The following KPNA1 variants were observed in gnomAD, a reference collection of about 807,000 sequenced individuals.
KPNA1 encodes the protein karyopherin subunit alpha 1.
A neutral mutation model predicts 70.5 loss-of-function variants in KPNA1; 10 were observed. The ratio of observed to expected loss-of-function variants is 0.14; its 90% CI spans 0.09 to 0.24. The LOEUF (loss-of-function observed/expected upper bound fraction) is 0.24. Ranked by LOEUF, KPNA1 falls within the 10% of genes least tolerant of loss-of-function variation. The probability of loss-of-function intolerance (pLI) is 1.00; values close to 1 mark genes in which losing one functional copy is unlikely to be tolerated. For synonymous variants in KPNA1, 192 were observed against 221.9 expected (o/e 0.87, Z 1.20); for missense variants, 397 against 637.9 (o/e 0.62, Z 4.07).
Position 122,426,341 on chromosome 3 carries a change from G to GA in KPNA1, c.*643dup, listed in dbSNP as rs2107711733. On this transcript the variant is annotated 3_prime_UTR_variant, in exon 14 of 14. Coordinates refer to ENST00000344337, the MANE Select transcript of KPNA1 (RefSeq NM_002264.4). ...AATTCTTCAGCATTCCTGACAACTAGAAAGCACATTCACTGAAGGCTGAAG... is the reference window on the plus strand; with the variant it reads ...AATTCTTCAGCATTCCTGACAACTAGAAAAGCACATTCACTGAAGGCTGAAG... 2 of 152,716 alleles carry GA rather than the reference G, an allele frequency of 1.3e-5. No homozygotes were observed. The highest frequency in any genetic ancestry group is 3.9e-4 in the East Asian group (2 of 5,180). The allele number at this position is 152,716 out of a possible 1,614,324, so 9.5% of individuals were successfully genotyped here.
chr3:122,508,241 T>C (rs1318806169), intron 1 of KPNA1, among the ~76,000 whole-genome samples: 1 of 152,084 alleles, frequency 6.6e-6, no homozygotes, highest in Non-Finnish European at 1.5e-5. Flanking sequence ...ACAAATTATA[T>C]GTCACTAGCA....
chr3:122,487,130 G>A (rs1189219014), intron 2 of KPNA1, among the ~76,000 whole-genome samples: 2 of 152,178 alleles, frequency 1.3e-5, no homozygotes, highest in African/African-American at 4.8e-5. Flanking sequence ...GTAAAAAGCT[G>A]TCGGGCCTCT....
chr3:122,485,708 T>C (rs2076621484), intron 2 of KPNA1, among the ~76,000 whole-genome samples: 1 of 152,144 alleles, frequency 6.6e-6, no homozygotes, highest in East Asian at 1.9e-4. Flanking sequence ...AGATGCTCAC[T>C]GGTGATCTAT....
At chr3:122,479,793 A>C (rs1046356409) in intron 2 of KPNA1, among the ~76,000 whole-genome samples, 1 of 152,074 alleles carries the variant, frequency 6.6e-6, no homozygotes. Context: ...CTTCCATAGG[A>C]TCAGCAACAA....
At chr3:122,432,026 A>C (rs1433233411) in intron 12 of KPNA1, among the ~76,000 whole-genome samples, 1 of 152,064 alleles carries the variant, frequency 6.6e-6, no homozygotes, top group East Asian at 1.9e-4. Context: ...CTGGTCTCGA[A>C]CTCCTGACCT....
intron 11 of KPNA1, among the ~76,000 whole-genome samples, chr3:122,435,790 T>C (rs1049313693): frequency 6.6e-6 from 1 of 152,234 alleles, no homozygotes; most frequent in African/African-American, 2.4e-5. Context: ...TATCTTTACT[T>C]TAATCTCTTA....
chr3:122,431,563 TTTG>T, intron 12 of KPNA1, among the ~76,000 whole-genome samples: 1 of 152,260 alleles, frequency 6.6e-6, no homozygotes. Flanking sequence ...ATAAAGTCAG[TTTG>T]TTTTTTGTAA....
chr3:122,436,431 G>A (rs1005228236), intron 11 of KPNA1, among the ~76,000 whole-genome samples: 5 of 152,204 alleles, frequency 3.3e-5, no homozygotes, highest in Admixed American at 3.3e-4. Flanking sequence ...ATAAAAACCT[G>A]CTGGTTTTGC....
chr3:122,480,970 T>C (rs986980002), intron 2 of KPNA1, among the ~76,000 whole-genome samples: 11 of 152,082 alleles, frequency 7.2e-5, no homozygotes, highest in South Asian at 2.1e-4. Context: ...GCCTAGGCAA[T>C]AGAGGGAGAC....
intron 10 of KPNA1, among the ~76,000 whole-genome samples, chr3:122,439,095 G>C (rs1021715580): frequency 6.6e-6 from 1 of 152,176 alleles, no homozygotes; most frequent in African/African-American, 2.4e-5. Flanking sequence ...GATTTCATTA[G>C]CAAAAAGAGG....
intron 1 of KPNA1, among the ~76,000 whole-genome samples, chr3:122,505,930 GATTA>G (rs1559767272): frequency 6.6e-6 from 1 of 152,138 alleles, no homozygotes; most frequent in East Asian, 1.9e-4. Context: ...ACAGCCCTCA[GATTA>G]ATCTCAACAC....
intron 9 of KPNA1, among the ~76,000 whole-genome samples, chr3:122,447,732 T>A (rs937833471): frequency 6.6e-6 from 1 of 152,210 alleles, no homozygotes; most frequent in African/African-American, 2.4e-5. Flanking sequence ...GAAGTCAAAC[T>A]GTCCCTGTTT....
At chr3:122,427,824 A>C (rs1215208672) in intron 12 of KPNA1, 108 bp from the exon 13 acceptor site, 3 of 666,102 alleles carry the variant, frequency 4.5e-6, no homozygotes, top group Admixed American at 6.8e-5. Context: ...AAAAAAAAAA[A>C]CAAAAAACAA....
intron 2 of KPNA1, among the ~76,000 whole-genome samples, chr3:122,478,703 C>T (rs1322230401): frequency 8.1e-5 from 12 of 147,558 alleles, no homozygotes; most frequent in Admixed American, 8.1e-4. Flanking sequence ...ACTCCAGCCT[C>T]GGCTACACAG....
intron 6 of KPNA1, among the ~76,000 whole-genome samples, chr3:122,452,674 G>A (rs1479901581): frequency 1.5e-5 from 2 of 133,174 alleles, no homozygotes; most frequent in African/African-American, 2.8e-5. Context: ...AGCAAGAGAA[G>A]GAGGGAAGGA....
intron 5 of KPNA1, among the ~76,000 whole-genome samples, chr3:122,459,060 G>A (rs1340807791): frequency 6.6e-6 from 1 of 152,112 alleles, no homozygotes; most frequent in African/African-American, 2.4e-5. Context: ...GTGGAATCTG[G>A]GAGTTTACAT....
chr3:122,451,550 G>C lies in KPNA1; in HGVS notation c.737C>G (p.Pro246Arg). The C allele has an allele frequency of 6.2e-7, 1 of 1,611,348 alleles. No homozygotes were observed. The highest frequency in any genetic ancestry group is 8.5e-7 in the Non-Finnish European group (1 of 1,177,974). ...AGTCCTTACCTTTGCAAATTCTGGA[G>C]GTGGACTTTTCCCTCTACAGAGATT... ...LSNLCRGKSP[P>R]PEFAKVSPCL... is the part of the protein sequence containing the mutation. Residue 246 changes from proline to arginine, a missense_variant, in exon 8 of 14, where the codon CCT (proline) becomes CGT (arginine). Coordinates refer to ENST00000344337, the MANE Select transcript of KPNA1 (RefSeq NM_002264.4).
intron 2 of KPNA1, among the ~76,000 whole-genome samples, chr3:122,484,994 C>A (rs1426495681): frequency 6.6e-6 from 1 of 152,156 alleles, no homozygotes; most frequent in African/African-American, 2.4e-5. Flanking sequence ...AATTTCTGGG[C>A]TCAAGCAATC....
At chr3:122,461,501 C>T (rs2076323630) in intron 4 of KPNA1, among the ~76,000 whole-genome samples, 183 bp from the exon 5 acceptor site, 1 of 152,024 alleles carries the variant, frequency 6.6e-6, no homozygotes, top group Non-Finnish European at 1.5e-5. Flanking sequence ...TGAAATGTTT[C>T]ACAATGAAGA....
Sources: gnomAD v4.1 joint callset for allele counts (sites outside exome capture counted in the v4.1 genomes callset) on GRCh38, gnomAD v4.1.1 for gene constraint, MANE v1.5 for transcripts, NCBI Gene and HGNC (gene_info 2026-07-23, HGNC 2026-07-21) for gene names.